The following HYCC2 variants were observed in gnomAD, a reference collection of about 807,000 sequenced individuals.
HYCC2 encodes hyccin PI4KA lipid kinase complex subunit 2, also known as hyccin 2.
chr2:200,991,848 G>A, the HYCC2 span, among the ~76,000 whole-genome samples: 14 of 151,560 alleles, frequency 9.2e-5, no homozygotes, highest in Admixed American at 9.2e-4. Context: ...TGGCAACACA[G>A]AAAGACCCTG....
the HYCC2 span, among the ~76,000 whole-genome samples, chr2:201,024,792 T>G: frequency 6.6e-6 from 1 of 151,940 alleles, no homozygotes; most frequent in Non-Finnish European, 1.5e-5. Context: ...CAATAAGGCC[T>G]CTGAAGAAAA....
the HYCC2 span, chr2:200,988,225 T>C: frequency 1.3e-6 from 2 of 1,537,990 alleles, no homozygotes; most frequent in Non-Finnish European, 1.8e-6. Flanking sequence ...TAAATTTACT[T>C]GACTCCATGT....
At chr2:201,024,494 T>C in the HYCC2 span, among the ~76,000 whole-genome samples, 1 of 151,306 alleles carries the variant, frequency 6.6e-6, no homozygotes, top group African/African-American at 2.4e-5. Flanking sequence ...GTCTCAAAAA[T>C]AAAATAAAAA....
the HYCC2 span, among the ~76,000 whole-genome samples, chr2:201,060,851 T>A: frequency 6.6e-6 from 1 of 151,926 alleles, no homozygotes; most frequent in East Asian, 1.9e-4. Flanking sequence ...AGGGGTAGAG[T>A]AGGAAGCAAG....
chr2:201,063,375 AAAG>A, the HYCC2 span: 5 of 1,580,924 alleles, frequency 3.2e-6, no homozygotes, highest in Non-Finnish European at 4.3e-6. Flanking sequence ...GAAGATTCTC[AAAG>A]ACCAGGTGCC....
At chr2:201,011,046 G>A in the HYCC2 span, among the ~76,000 whole-genome samples, 2 of 152,024 alleles carry the variant, frequency 1.3e-5, no homozygotes, top group Admixed American at 6.6e-5. Context: ...TCAGGAGGCC[G>A]AGGCAGGAGA....
At chr2:201,049,544 G>A in the HYCC2 span, among the ~76,000 whole-genome samples, 9 of 151,108 alleles carry the variant, frequency 6.0e-5, no homozygotes, top group South Asian at 2.1e-4. Context: ...TAGTAGAGAC[G>A]GGGTTTCACC....
the HYCC2 span, among the ~76,000 whole-genome samples, chr2:201,065,669 G>A: frequency 2.6e-5 from 4 of 152,224 alleles, no homozygotes; most frequent in Admixed American, 1.3e-4. Flanking sequence ...CAGATGAAGC[G>A]TAAGGGTTAA....
At chr2:201,059,756 C>T in the HYCC2 span, among the ~76,000 whole-genome samples, 1 of 152,052 alleles carries the variant, frequency 6.6e-6, no homozygotes, top group Non-Finnish European at 1.5e-5. Flanking sequence ...TTGAAGAGCC[C>T]TCTTATTGAC....
At chr2:201,009,791 T>A in the HYCC2 span, among the ~76,000 whole-genome samples, 5 of 151,684 alleles carry the variant, frequency 3.3e-5, no homozygotes, top group African/African-American at 1.2e-4. Flanking sequence ...CATTATTGAG[T>A]TCATGTTTCT....
the HYCC2 span, chr2:200,992,352 C>T: frequency 8.1e-6 from 13 of 1,609,002 alleles, no homozygotes; most frequent in African/African-American, 1.5e-4. Context: ...TGGCCAAGGT[C>T]CCACTGTCCA....
the HYCC2 span, among the ~76,000 whole-genome samples, chr2:200,989,526 A>G: frequency 6.6e-6 from 1 of 152,176 alleles, no homozygotes; most frequent in African/African-American, 2.4e-5. Flanking sequence ...GCTTTTGAGA[A>G]GCTGGGCCAG....
the HYCC2 span, among the ~76,000 whole-genome samples, chr2:201,003,103 G>A: frequency 1.6e-4 from 25 of 152,258 alleles, 1 homozygote; most frequent in African/African-American, 5.5e-4. Flanking sequence ...GTCTCGCTTT[G>A]TTGCCCAGGT....
the HYCC2 span, among the ~76,000 whole-genome samples, chr2:201,059,329 G>A: frequency 6.6e-6 from 1 of 152,110 alleles, no homozygotes; most frequent in African/African-American, 2.4e-5. Flanking sequence ...ATGACCTAAG[G>A]ATATATGCAG....
chr2:200,990,691 C>A, the HYCC2 span, among the ~76,000 whole-genome samples: 1 of 152,212 alleles, frequency 6.6e-6, no homozygotes, highest in Non-Finnish European at 1.5e-5. Context: ...TTTGCCTCAG[C>A]CTCCCAAGTA....
At chr2:201,042,554 C>A in the HYCC2 span, among the ~76,000 whole-genome samples, 1 of 149,678 alleles carries the variant, frequency 6.7e-6, no homozygotes, top group Non-Finnish European at 1.5e-5. Flanking sequence ...AGGTGAGGAG[C>A]GTCTCTGACC....
chr2:200,976,755 T>C, the HYCC2 span: 1 of 152,222 alleles, frequency 6.6e-6, no homozygotes, highest in Non-Finnish European at 1.5e-5. Flanking sequence ...CATTATGGAA[T>C]CATAAGCTTC....
chr2:201,005,953 C>A, the HYCC2 span, among the ~76,000 whole-genome samples: 1 of 152,086 alleles, frequency 6.6e-6, no homozygotes, highest in African/African-American at 2.4e-5. Context: ...CCTGTCTCAG[C>A]CTCCTGAGTA....
At chr2:201,069,617 G>A in the HYCC2 span, among the ~76,000 whole-genome samples, 3 of 142,370 alleles carry the variant, frequency 2.1e-5, no homozygotes, top group South Asian at 2.3e-4. Context: ...ACACACACAC[G>A]CATAAAAGCA....
Sources: gnomAD v4.1 joint callset for allele counts (sites outside exome capture counted in the v4.1 genomes callset) on GRCh38, gnomAD v4.1.1 for gene constraint, MANE v1.5 for transcripts, NCBI Gene and HGNC (gene_info 2026-07-23, HGNC 2026-07-21) for gene names.